CAMKMT: variants seen among roughly 807,000 people sequenced by gnomAD.
The protein encoded by CAMKMT is CaM KMT.
A neutral mutation model predicts 48.0 loss-of-function variants in CAMKMT; 53 were observed. The observed-to-expected ratio is 1.10, with a 90% CI of 0.89 to 1.39. The LOEUF is 1.39. CAMKMT is among the 40% of genes most tolerant of loss of function. CAMKMT has a pLI of 0.00. For synonymous variants in CAMKMT, 165 were observed against 152.3 expected (o/e 1.08, Z -0.61); for missense variants, 428 against 402.7 (o/e 1.06, Z -0.54).
At chr2:44,422,654 G>T (rs992454314) in intron 3 of CAMKMT, among the ~76,000 whole-genome samples, 6 of 151,348 alleles carry the variant, frequency 4.0e-5, no homozygotes, top group Non-Finnish European at 7.4e-5. Context: ...GTCCAGAATT[G>T]GACTATCCAA....
intron 3 of CAMKMT, among the ~76,000 whole-genome samples, chr2:44,613,947 CAA>C (rs1297033524): frequency 6.6e-6 from 1 of 151,978 alleles, no homozygotes; most frequent in Non-Finnish European, 1.5e-5. Context: ...AGTGATAAGA[CAA>C]ATATTAATTA....
At chr2:44,442,380 A>G (rs888337119) in intron 3 of CAMKMT, among the ~76,000 whole-genome samples, 2 of 152,086 alleles carry the variant, frequency 1.3e-5, no homozygotes, top group Non-Finnish European at 2.9e-5. Flanking sequence ...CTATACATAC[A>G]TGTTCGTATA....
chr2:44,558,439 G>A (rs1204001302), intron 3 of CAMKMT, among the ~76,000 whole-genome samples: 1 of 152,140 alleles, frequency 6.6e-6, no homozygotes, highest in African/African-American at 2.4e-5. Flanking sequence ...ATGGGAATAT[G>A]CAGGAAATGC....
intron 3 of CAMKMT, among the ~76,000 whole-genome samples, chr2:44,413,040 C>G (rs1272065579): frequency 2.0e-5 from 3 of 151,762 alleles, no homozygotes; most frequent in Admixed American, 2.0e-4. Flanking sequence ...TGTGCCACCA[C>G]ACTCCAGCCT....
At position 44,394,297 on chromosome 2, in the gene CAMKMT, G is replaced by A. The variant is rs115880193; in HGVS notation, c.376+3992G>A. 3.4e-3 allele frequency among the ~76,000 whole-genome samples: 516 copies of A among 152,204 alleles called. 2 individuals carry two copies. Among genetic ancestry groups the A allele is most frequent in the African/African-American group, 0.012 (480 of 41,526 alleles). On this transcript the variant is annotated intron_variant, in intron 3 of 10. Coordinates refer to ENST00000378494, the MANE Select transcript of CAMKMT (RefSeq NM_024766.5). ...GAAAAAAATTTTTTTTCTTGGTTGA[G>A]CTCCATGACAGGACCCTGTGGTAGT...
At chr2:44,532,173 A>G (rs750360473) in intron 3 of CAMKMT, among the ~76,000 whole-genome samples, 1 of 152,216 alleles carries the variant, frequency 6.6e-6, no homozygotes, top group Non-Finnish European at 1.5e-5. Context: ...CTTACAATGT[A>G]GAGAGAGGCT....
At chr2:44,408,943 C>G (rs1034408057) in intron 3 of CAMKMT, among the ~76,000 whole-genome samples, 1 of 151,672 alleles carries the variant, frequency 6.6e-6, no homozygotes, top group East Asian at 2.0e-4. Context: ...TGTTTTGCCA[C>G]GTTGCCCAGG....
At chr2:44,404,120 T>C (rs2104455784) in intron 3 of CAMKMT, among the ~76,000 whole-genome samples, 1 of 152,322 alleles carries the variant, frequency 6.6e-6, no homozygotes, top group East Asian at 1.9e-4. Context: ...GATGTTTTGT[T>C]TGTACAGTGC....
At chr2:44,641,749 A>G (rs1821859) in intron 3 of CAMKMT, among the ~76,000 whole-genome samples, 95,517 of 151,882 alleles carry the variant, frequency 0.63, 30,579 homozygotes, top group Middle Eastern at 0.7. Flanking sequence ...GTAGAGATGG[A>G]GTTTTGCCTT....
intron 3 of CAMKMT, among the ~76,000 whole-genome samples, chr2:44,537,064 A>G (rs1666815593): frequency 1.3e-5 from 2 of 152,226 alleles, no homozygotes; most frequent in African/African-American, 2.4e-5. Context: ...GAACTATTAG[A>G]TGAAAACATA....
intron 3 of CAMKMT, among the ~76,000 whole-genome samples, chr2:44,591,023 T>C (rs1670231651): frequency 6.6e-6 from 1 of 152,220 alleles, no homozygotes. Context: ...CCTTTCCCCA[T>C]TGCTTATTTT....
chr2:44,681,147 C>A (rs1259443917), intron 3 of CAMKMT, among the ~76,000 whole-genome samples: 1 of 152,152 alleles, frequency 6.6e-6, no homozygotes, highest in Admixed American at 6.5e-5. Flanking sequence ...TGGTAGACAA[C>A]AAGAGGCAGG....
chr2:44,530,064 A>T (rs562223683), intron 3 of CAMKMT, among the ~76,000 whole-genome samples: 1 of 152,176 alleles, frequency 6.6e-6, no homozygotes, highest in African/African-American at 2.4e-5. Context: ...GGATTTCAGC[A>T]TGGAAGACTG....
chr2:44,648,350 A>AT (rs941711391), intron 3 of CAMKMT, among the ~76,000 whole-genome samples: 9 of 152,108 alleles, frequency 5.9e-5, no homozygotes, highest in Non-Finnish European at 1.0e-4. Context: ...CTTTTTAATA[A>AT]TTTTTTCCCC....
chr2:44,592,096 G>C (rs62132284), intron 3 of CAMKMT, among the ~76,000 whole-genome samples: 6,690 of 152,016 alleles, frequency 0.044, 178 homozygotes, highest in Non-Finnish European at 0.063. Flanking sequence ...ATAGCATTAG[G>C]AGATACACCT....
intron 1 of CAMKMT, among the ~76,000 whole-genome samples, chr2:44,364,178 C>T (rs114068872): frequency 2.9e-4 from 44 of 152,208 alleles, no homozygotes; most frequent in African/African-American, 1.1e-3. Flanking sequence ...GTAAAAACTA[C>T]AGCACTTATG....
intron 3 of CAMKMT, among the ~76,000 whole-genome samples, chr2:44,505,860 T>G (rs1012118732): frequency 6.6e-6 from 1 of 150,792 alleles, no homozygotes; most frequent in East Asian, 1.9e-4. Flanking sequence ...ATTTATTTAT[T>G]TATTTATTTA....
At chr2:44,578,290 A>C (rs927768119) in intron 3 of CAMKMT, among the ~76,000 whole-genome samples, 1 of 152,254 alleles carries the variant, frequency 6.6e-6, no homozygotes, top group Non-Finnish European at 1.5e-5. Flanking sequence ...ATACCATTAT[A>C]TAATAATGAG....
chr2:44,764,875 C>A (rs1334279102), intron 9 of CAMKMT, among the ~76,000 whole-genome samples: 3 of 152,096 alleles, frequency 2.0e-5, no homozygotes, highest in Non-Finnish European at 4.4e-5. Context: ...AGTGCTGGGG[C>A]TTCTGATCAT....
Sources: gnomAD v4.1 joint callset for allele counts (sites outside exome capture counted in the v4.1 genomes callset) on GRCh38, gnomAD v4.1.1 for gene constraint, MANE v1.5 for transcripts, NCBI Gene and HGNC (gene_info 2026-07-23, HGNC 2026-07-21) for gene names.